The following MTHFD1L variants were observed in gnomAD, a reference collection of about 807,000 sequenced individuals.
The protein encoded by MTHFD1L is monofunctional C1-tetrahydrofolate synthase, mitochondrial.
In MTHFD1L, 81 loss-of-function variants were observed where a neutral mutation model predicts 119.5. The observed-to-expected ratio is 0.68, with a 90% CI of 0.57 to 0.82. MTHFD1L has a LOEUF of 0.82. MTHFD1L is among the 40% of genes least tolerant of loss of function. MTHFD1L has a pLI of 0.00. For synonymous variants in MTHFD1L, 430 were observed against 475.2 expected, an observed-to-expected ratio of 0.90 and a Z score of 1.24; for missense variants, 1,125 against 1,253.4, an observed-to-expected ratio of 0.90 and a Z score of 1.55.
intron 21 of MTHFD1L, among the ~76,000 whole-genome samples, chr6:151,011,102 T>C (rs950773648): frequency 1.3e-5 from 2 of 152,210 alleles, no homozygotes; most frequent in Admixed American, 6.5e-5. Flanking sequence ...TGGATGTTAA[T>C]GAAGGGCAGA....
At chr6:150,953,448 T>C (rs1489869089) in intron 16 of MTHFD1L, among the ~76,000 whole-genome samples, 1 of 152,200 alleles carries the variant, frequency 6.6e-6, no homozygotes, top group Non-Finnish European at 1.5e-5. Flanking sequence ...ACTATATCTC[T>C]GTACAGCTGG....
chr6:150,871,043 C>A (rs1779363985), intron 1 of MTHFD1L, among the ~76,000 whole-genome samples: 2 of 139,370 alleles, frequency 1.4e-5, no homozygotes, highest in South Asian at 2.2e-4. Flanking sequence ...TATATATATA[C>A]CTTATAATAT....
intron 1 of MTHFD1L, among the ~76,000 whole-genome samples, chr6:150,873,109 G>A (rs1013307571): frequency 5.9e-5 from 9 of 152,102 alleles, no homozygotes; most frequent in African/African-American, 2.2e-4. Flanking sequence ...GAGGTCAAGA[G>A]ATCGAGACCA....
chr6:151,050,753 C>T (rs914381163), intron 26 of MTHFD1L, among the ~76,000 whole-genome samples: 18 of 152,090 alleles, frequency 1.2e-4, no homozygotes, highest in Non-Finnish European at 2.5e-4. Flanking sequence ...CATTTGGTCA[C>T]AGAAGTCTTC....
chr6:151,092,617 C>G, intron 27 of MTHFD1L, 30 bp downstream of exon 27: 1 of 1,409,240 alleles, frequency 7.1e-7, no homozygotes, highest in Non-Finnish European at 9.8e-7. Context: ...CTTTTTCTCT[C>G]TTTGTTTTTT....
chr6:151,017,390 G>A (rs916735063), intron 24 of MTHFD1L, among the ~76,000 whole-genome samples: 27 of 150,502 alleles, frequency 1.8e-4, no homozygotes, highest in Admixed American at 1.5e-3. Flanking sequence ...TTTGTTGCCC[G>A]GGCTGGAGTG....
At chr6:151,080,787 T>C (rs938394737) in intron 26 of MTHFD1L, among the ~76,000 whole-genome samples, 3 of 152,216 alleles carry the variant, frequency 2.0e-5, no homozygotes, top group African/African-American at 7.2e-5. Context: ...TGCAGACAGC[T>C]GTCTTCCCTG....
chr6:151,021,927 A>T (rs1218952928), intron 24 of MTHFD1L: 1 of 447,024 alleles, frequency 2.2e-6, no homozygotes, highest in African/African-American at 2.0e-5. Flanking sequence ...TCATCTCTGT[A>T]TCCTTCCTCT....
At chr6:150,866,447 G>A in intron 1 of MTHFD1L, 2 of 1,325,678 alleles carry the variant, frequency 1.5e-6, no homozygotes, top group Non-Finnish European at 1.9e-6. Context: ...CAGGAGGAGG[G>A]CGGGGCTGCG....
chr6:151,039,638 C>T lies in MTHFD1L; in HGVS notation c.2847+2521C>T, dbSNP rs151311936. 8.5e-3 allele frequency among the ~76,000 whole-genome samples: 1,286 copies of T among 152,160 alleles called. 13 individuals carry two copies. Among genetic ancestry groups the T allele is most frequent in the African/African-American group, 0.029 (1,189 of 41,512 alleles). On this transcript the variant is annotated intron_variant, in intron 26 of 27. Coordinates refer to ENST00000367321, the MANE Select transcript of MTHFD1L (RefSeq NM_015440.5). This position sits in a 1 kb window ranked among gnomAD's most constrained non-coding sequence, Gnocchi z 4.4. Reference sequence around the variant, plus strand: ...ATTCGTTAGAATGGCCTCAGTCAGCCGGGTGCGGTGGCTCACGCCTGTAAT... The same window carrying T: ...ATTCGTTAGAATGGCCTCAGTCAGCTGGGTGCGGTGGCTCACGCCTGTAAT...
chr6:150,882,439 C>G (rs1430661734), intron 4 of MTHFD1L, among the ~76,000 whole-genome samples: 1 of 152,216 alleles, frequency 6.6e-6, no homozygotes, highest in African/African-American at 2.4e-5. Context: ...TGTCCTTTGT[C>G]TATCTAAACC....
intron 10 of MTHFD1L, 69 bp downstream of exon 10, chr6:150,922,371 GGA>G: frequency 9.6e-6 from 12 of 1,253,010 alleles, no homozygotes; most frequent in Non-Finnish European, 1.4e-5. Context: ...TAGTCATGGG[GGA>G]GAAGCACAAC....
chr6:150,952,837 A>G (rs1312613409), intron 16 of MTHFD1L, among the ~76,000 whole-genome samples: 1 of 152,144 alleles, frequency 6.6e-6, no homozygotes, highest in Non-Finnish European at 1.5e-5. Flanking sequence ...AGATTGTTTC[A>G]TCTTATGCCT....
rs553380378 is a variant in MTHFD1L, at chr6:151,010,875, A to G, written c.2265+917A>G. 3.2e-4 allele frequency among the ~76,000 whole-genome samples: 48 copies of G among 152,362 alleles called. No individual in the cohort carries two copies. The Middle Eastern group carries it at 0.017, about 54-fold the overall frequency. On this transcript the variant is annotated intron_variant, in intron 21 of 27. Coordinates refer to ENST00000367321, the MANE Select transcript of MTHFD1L (RefSeq NM_015440.5). ...GTATGTGACAAAAGTCATATATTCA[A>G]TGATTATTGCATAGTCAAAACAAGT...
At chr6:150,936,602 C>A (rs943064883) in intron 11 of MTHFD1L, among the ~76,000 whole-genome samples, 2 of 151,638 alleles carry the variant, frequency 1.3e-5, no homozygotes, top group Non-Finnish European at 1.5e-5. Flanking sequence ...TTTTTGGTTT[C>A]TTGGTAAAGG....
At chr6:150,969,930 A>C (rs1797791105) in intron 19 of MTHFD1L, among the ~76,000 whole-genome samples, 1 of 152,210 alleles carries the variant, frequency 6.6e-6, no homozygotes, top group Non-Finnish European at 1.5e-5. Context: ...CACTGCATTC[A>C]CTTAAAATAT....
chr6:151,080,595 A>C (rs189732747), intron 26 of MTHFD1L, among the ~76,000 whole-genome samples: 28 of 152,354 alleles, frequency 1.8e-4, no homozygotes, highest in Admixed American at 2.6e-4. Flanking sequence ...ACATACATAG[A>C]AGAAAGGAAA....
intron 26 of MTHFD1L, among the ~76,000 whole-genome samples, chr6:151,080,910 TG>T (rs1404987738): frequency 6.6e-6 from 1 of 152,224 alleles, no homozygotes; most frequent in East Asian, 1.9e-4. Context: ...GGTTGTTTTT[TG>T]TGTTTGTTTT....
intron 26 of MTHFD1L, among the ~76,000 whole-genome samples, chr6:151,051,208 A>G (rs1449796023): frequency 6.6e-6 from 1 of 152,196 alleles, no homozygotes; most frequent in Non-Finnish European, 1.5e-5. Context: ...GTTTTAGGAA[A>G]CCTGTGACTG....
Sources: gnomAD v4.1 joint callset for allele counts (sites outside exome capture counted in the v4.1 genomes callset) on GRCh38, gnomAD v4.1.1 for gene constraint, Gnocchi (gnomAD v3.1) non-coding constraint, MANE v1.5 for transcripts, NCBI Gene and HGNC (gene_info 2026-07-23, HGNC 2026-07-21) for gene names.